Variants in DCBLD2 observed in about 807,000 individuals in gnomAD.
DCBLD2 encodes discoidin, CUB and LCCL domain containing 2.
A neutral mutation model predicts 86.8 loss-of-function variants in DCBLD2; 54 were observed. The ratio of observed to expected loss-of-function variants is 0.62; its 90% CI spans 0.50 to 0.78. The LOEUF (loss-of-function observed/expected upper bound fraction) is 0.78. Among genes scored for constraint, DCBLD2 ranks in the 30% least tolerant of loss-of-function variants. The pLI, the probability that DCBLD2 is intolerant of heterozygous loss-of-function variation, is 0.00. For missense variants in DCBLD2, 908 were observed against 954.2 expected, an observed-to-expected ratio of 0.95 and a Z score of 0.64; for synonymous variants, 354 against 341.3, an observed-to-expected ratio of 1.04 and a Z score of -0.41.
At chr3:98,808,012 A>T in intron 13 of DCBLD2, 69 bp downstream of exon 13, 1 of 1,186,610 alleles carries the variant, frequency 8.4e-7, no homozygotes. Context: ...AAACATTTTC[A>T]TCTTCTATAT....
At chr3:98,889,578 T>A (rs973267492) in intron 1 of DCBLD2, among the ~76,000 whole-genome samples, 2 of 152,056 alleles carry the variant, frequency 1.3e-5, no homozygotes, top group African/African-American at 4.8e-5. Context: ...TTACAGATTG[T>A]TTGGTAAAGA....
In DCBLD2 at chr3:98,799,332, T is replaced by A; in HGVS notation, c.*40A>T. The A allele has an allele frequency of 4.0e-6, 6 of 1,518,362 alleles. No homozygotes were observed. Among genetic ancestry groups the A allele is most frequent in the Middle Eastern group, 1.8e-4 (1 of 5,634 alleles). The allele number at this position is 1,518,362 out of a possible 1,614,324, so 94.1% of individuals were successfully genotyped here. ...ACTAATAATTAAAAAAAAAAGGCCA[T>A]GTGCTTTAAAACGATGCTTTGTAAA... On this transcript the variant is annotated 3_prime_UTR_variant, in exon 16 of 16. Transcript: ENST00000326840.
At chr3:98,878,068 A>C (rs1481234640) in intron 2 of DCBLD2, among the ~76,000 whole-genome samples, 1 of 152,186 alleles carries the variant, frequency 6.6e-6, no homozygotes, top group Admixed American at 6.5e-5. Flanking sequence ...TTAGAAAATA[A>C]TAATTGATTC....
chr3:98,868,206 C>T (rs1293547143), intron 2 of DCBLD2, among the ~76,000 whole-genome samples: 1 of 152,208 alleles, frequency 6.6e-6, no homozygotes, highest in Non-Finnish European at 1.5e-5. Context: ...CATGCAAAAT[C>T]TGCAACATAA....
At chr3:98,821,117 G>A (rs1243399875) in intron 6 of DCBLD2, 1 of 152,160 alleles carries the variant, frequency 6.6e-6, no homozygotes, top group Non-Finnish European at 1.5e-5. Flanking sequence ...AAAAGAATAA[G>A]CTGCAGCGAC....
chr3:98,827,505 C>A (rs756508924), intron 3 of DCBLD2, among the ~76,000 whole-genome samples: 1 of 152,172 alleles, frequency 6.6e-6, no homozygotes, highest in Non-Finnish European at 1.5e-5. Flanking sequence ...TAAGTGCATG[C>A]AGTGCTGAGA....
At chr3:98,822,619 A>G in intron 5 of DCBLD2, 50 bp downstream of exon 5, 1 of 1,501,886 alleles carries the variant, frequency 6.7e-7, no homozygotes, top group Non-Finnish European at 8.9e-7. Flanking sequence ...TGGAGTTCTA[A>G]AAAAATAGAG....
chr3:98,895,713 G>C (rs991507539), intron 1 of DCBLD2, among the ~76,000 whole-genome samples: 5 of 152,090 alleles, frequency 3.3e-5, no homozygotes, highest in African/African-American at 1.2e-4. Flanking sequence ...CAGGAGTGGT[G>C]AGTTCTCTCT....
intron 1 of DCBLD2, among the ~76,000 whole-genome samples, chr3:98,884,362 T>C (rs939982242): frequency 2.6e-5 from 4 of 151,810 alleles, no homozygotes; most frequent in African/African-American, 9.7e-5. Context: ...ATATATCCAC[T>C]GGTCTTTTGC....
At position 98,811,307 on chromosome 3, in the gene DCBLD2, T is replaced by G. The variant is rs769189498; in HGVS notation, c.1463A>C (p.Lys488Thr). The G allele has an allele frequency of 6.2e-7, 1 of 1,612,184 alleles. No homozygotes were observed. Among genetic ancestry groups the G allele is most frequent in the Admixed American group, 1.7e-5 (1 of 59,654 alleles). Residue 488 changes from lysine (K) to threonine (T), a missense_variant, in exon 12 of 16, where the codon AAA (lysine) becomes ACA (threonine). Physicochemically the swap from Lys to Thr is moderately conservative, Grantham distance 78 (BLOSUM62 -1). Transcript: ENST00000326840. ...PPKIAKGRAP[K>T]FTQPLQPRSS... is the part of the protein sequence containing the mutation. ...GCGAGGTTGTAGTGGTTGCGTAAAT[T>G]TTGGGGCACGACCTTTAAAAAAGTT...
chr3:98,848,865 T>TA (rs1942774749), intron 3 of DCBLD2, among the ~76,000 whole-genome samples: 1 of 152,180 alleles, frequency 6.6e-6, no homozygotes, highest in Non-Finnish European at 1.5e-5. Context: ...CAATAATTTA[T>TA]AAATTTTAAA....
intron 13 of DCBLD2, among the ~76,000 whole-genome samples, chr3:98,805,811 T>A (rs1941828519): frequency 6.6e-6 from 1 of 152,152 alleles, no homozygotes; most frequent in Non-Finnish European, 1.5e-5. Context: ...ACTTCTGCCC[T>A]CTCAACAGCG....
Position 98,836,764 on chromosome 3 carries a change from G to C in DCBLD2, c.572-11398C>G. ...TCCCTCCCGGACGGGGTGGCTGGCC[G>C]GGCGGGGGGCCGACACCCCCACCTC... On this transcript the variant is annotated intron_variant, in intron 3 of 15. Coordinates refer to ENST00000326840, the MANE Select transcript of DCBLD2 (RefSeq NM_080927.4). Among the ~76,000 whole-genome samples, 2 of 75,282 alleles carry C rather than the reference G, an allele frequency of 2.7e-5. 1 individual carries two copies. The highest frequency in any genetic ancestry group is 6.3e-5 in the Non-Finnish European group (2 of 31,660). 49.4% of individuals were successfully genotyped at this position (75,282 alleles called of 152,430 possible). A position where few individuals can be genotyped will look rare whatever the true frequency, so the allele number is the denominator to read the frequency against.
intron 1 of DCBLD2, among the ~76,000 whole-genome samples, chr3:98,892,213 G>A (rs1186391594): frequency 1.3e-5 from 2 of 152,102 alleles, no homozygotes; most frequent in African/African-American, 4.8e-5. Context: ...GTATACTGGT[G>A]AGGATGCAAC....
chr3:98,825,680 T>TATATATATA (rs1942207233), intron 3 of DCBLD2, among the ~76,000 whole-genome samples: 5 of 130,212 alleles, frequency 3.8e-5, no homozygotes, highest in South Asian at 2.4e-4. Context: ...TATATATATA[T>TATATATATA]TTAGAACATG....
chr3:98,838,175 TGG>T (rs1942518576), intron 3 of DCBLD2, among the ~76,000 whole-genome samples: 2 of 109,950 alleles, frequency 1.8e-5, no homozygotes, highest in Non-Finnish European at 2.0e-5. Context: ...CCGGACGGGG[TGG>T]CTGCCGGGCG....
chr3:98,853,716 C>T (rs978172026), intron 2 of DCBLD2, among the ~76,000 whole-genome samples: 2 of 152,204 alleles, frequency 1.3e-5, no homozygotes, highest in African/African-American at 2.4e-5. Context: ...GTGCATCTGA[C>T]TCTGATAAAC....
chr3:98,845,468 C>A lies in DCBLD2; in HGVS notation c.571+3993G>T, dbSNP rs186824977. Reference sequence around the variant, plus strand: ...ACAGTCTTTACAAACTGGCATAATTCTAGTTACATTTATAACGAGACCTCT... The same window carrying A: ...ACAGTCTTTACAAACTGGCATAATTATAGTTACATTTATAACGAGACCTCT... On this transcript the variant is annotated intron_variant, in intron 3 of 15. Transcript: ENST00000326840. Among the ~76,000 whole-genome samples, 879 of 152,288 alleles carry A rather than the reference C, an allele frequency of 5.8e-3. 2 individuals are homozygous for A. Among genetic ancestry groups the A allele is most frequent in the Non-Finnish European group, 9.3e-3 (631 of 68,020 alleles).
intron 3 of DCBLD2, among the ~76,000 whole-genome samples, chr3:98,829,604 CT>C (rs1181876134): frequency 2.0e-5 from 3 of 152,178 alleles, no homozygotes; most frequent in African/African-American, 7.2e-5. Context: ...TAATCTCATT[CT>C]TTTTTATGAC....
Sources: gnomAD v4.1 joint callset for allele counts (sites outside exome capture counted in the v4.1 genomes callset) on GRCh38, gnomAD v4.1.1 for gene constraint, MANE v1.5 for transcripts, NCBI Gene and HGNC (gene_info 2026-07-23, HGNC 2026-07-21) for gene names.